PDS5A: variants seen among roughly 807,000 people sequenced by gnomAD.
PDS5A encodes PDS5 cohesin associated factor A, also known as sister chromatid cohesion protein PDS5 homolog A.
PDS5A carries 42 observed loss-of-function variants against 167.1 expected under a neutral mutation model. The ratio of observed to expected loss-of-function variants is 0.25; its 90% CI spans 0.20 to 0.33. The LOEUF is 0.33. Ranked by LOEUF, PDS5A falls within the 10% of genes least tolerant of loss-of-function variation. The pLI, the probability that PDS5A is intolerant of heterozygous loss-of-function variation, is 1.00. For missense variants in PDS5A, 1,033 were observed against 1,605.9 expected (o/e 0.64, Z 6.10); for synonymous variants, 553 against 554.6 (o/e 1.00, Z 0.04).
chr4:39,833,747 A>G (rs570852129), intron 32 of PDS5A, among the ~76,000 whole-genome samples: 2 of 152,222 alleles, frequency 1.3e-5, no homozygotes, highest in Admixed American at 1.3e-4. Flanking sequence ...CTCCACATCA[A>G]TTTACGGGGA....
intron 31 of PDS5A, among the ~76,000 whole-genome samples, chr4:39,841,446 A>G (rs949786987): frequency 6.6e-6 from 1 of 151,984 alleles, no homozygotes; most frequent in African/African-American, 2.4e-5. Flanking sequence ...CTCAATTCCT[A>G]TTCTTTAAAA....
chr4:39,974,025 CT>C (rs1357925102), intron 2 of PDS5A: 1 of 461,470 alleles, frequency 2.2e-6, no homozygotes, highest in African/African-American at 2.0e-5. Context: ...ACTCGGGAGG[CT>C]GAGGCAGGAG....
At chr4:39,941,554 G>A (rs1421377068) in intron 2 of PDS5A, among the ~76,000 whole-genome samples, 1 of 152,086 alleles carries the variant, frequency 6.6e-6, no homozygotes, top group Non-Finnish European at 1.5e-5. Context: ...TGCATTCAAG[G>A]TGAAAACTAC....
chr4:39,891,134 A>C (rs1165842933), intron 16 of PDS5A, among the ~76,000 whole-genome samples: 1 of 151,580 alleles, frequency 6.6e-6, no homozygotes, highest in Non-Finnish European at 1.5e-5. Flanking sequence ...CCCAGGTTCA[A>C]ACAACTCTCC....
At chr4:39,950,785 G>A (rs57910203) in intron 2 of PDS5A, among the ~76,000 whole-genome samples, 9 of 151,744 alleles carry the variant, frequency 5.9e-5, no homozygotes, top group South Asian at 4.2e-4. Context: ...ACAGGGTTTC[G>A]CCATGTTGGC....
At chr4:39,860,266 AC>A (rs1377619093) in intron 26 of PDS5A, among the ~76,000 whole-genome samples, 1 of 151,966 alleles carries the variant, frequency 6.6e-6, no homozygotes, top group African/African-American at 2.4e-5. Flanking sequence ...TAGTTGGGAG[AC>A]CAGCCTGGGC....
At chr4:39,924,042 A>G (rs985071174) in intron 5 of PDS5A, among the ~76,000 whole-genome samples, 1 of 152,184 alleles carries the variant, frequency 6.6e-6, no homozygotes, top group African/African-American at 2.4e-5. Context: ...AGCATAAAAT[A>G]TAAGGCCAAG....
At position 39,863,206 on chromosome 4, in the gene PDS5A, C is replaced by T. The variant is rs557912433; in HGVS notation, c.2766+130G>A. 161 of 916,768 alleles carry T rather than the reference C, an allele frequency of 1.8e-4. No homozygotes were observed. In the African/African-American group the frequency reaches 2.3e-3, roughly 13 times the overall value. 56.8% of individuals were successfully genotyped at this position (916,768 alleles called of 1,614,324 possible). On this transcript the variant is annotated intron_variant, in intron 24 of 32. Coordinates refer to ENST00000303538, the MANE Select transcript of PDS5A (RefSeq NM_001100399.2). The stretch of plus-strand genomic sequence containing the variant: ...AATAAATAATGTAATAATTGGAAGA[C>T]AGTTAAACAGGTAATAATAGTAGTG...
intron 29 of PDS5A, among the ~76,000 whole-genome samples, 188 bp from the exon 30 acceptor site, chr4:39,844,989 C>T (rs1191860687): frequency 1.3e-5 from 2 of 152,164 alleles, no homozygotes; most frequent in Admixed American, 6.5e-5. Context: ...AGGTGGATCA[C>T]TTGAGGCCAT....
intron 7 of PDS5A, among the ~76,000 whole-genome samples, chr4:39,919,874 GC>G (rs1724760852): frequency 6.6e-6 from 1 of 150,786 alleles, no homozygotes; most frequent in Non-Finnish European, 1.5e-5. Flanking sequence ...TTAAATCTTT[GC>G]CAAAAACAAC....
chr4:39,946,463 A>G (rs773185829), intron 2 of PDS5A, among the ~76,000 whole-genome samples: 5 of 152,148 alleles, frequency 3.3e-5, no homozygotes, highest in Admixed American at 2.6e-4. Flanking sequence ...ATTACCACCC[A>G]GAAGAACATG....
At position 39,841,942 on chromosome 4, in the gene PDS5A, A is replaced by G; in HGVS notation, c.3657+6T>C. On this transcript the variant is annotated splice_donor_region_variant and intron_variant, in intron 31 of 32. Coordinates refer to ENST00000303538, the MANE Select transcript of PDS5A (RefSeq NM_001100399.2). ...AAAAATCCACTTGTTAAATTTTAAA[A>G]TTTACCTTATTCTTTACTGGGTCAA... The G allele has an allele frequency of 6.8e-7, 1 of 1,474,222 alleles. No individual in the cohort carries two copies. The highest frequency in any genetic ancestry group is 9.5e-7 in the Non-Finnish European group (1 of 1,056,082). The allele number at this position is 1,474,222 out of a possible 1,614,324, so 91.3% of individuals were successfully genotyped here. A position where few individuals can be genotyped will look rare whatever the true frequency, so the allele number is the denominator to read the frequency against.
intron 5 of PDS5A, among the ~76,000 whole-genome samples, chr4:39,923,638 AACACACACACACAC>A (rs10664167): frequency 4.0e-5 from 5 of 125,212 alleles, no homozygotes; most frequent in Non-Finnish European, 7.2e-5. Flanking sequence ...CCTGTCTCAA[AACACACACACACAC>A]ACACACACAC....
Position 39,838,210 on chromosome 4 carries a change from T to A in PDS5A, c.3658-2A>T. ...GGTAGCCTGATCAGAATTAATTTCC[T>A]AAAAAAGCACAAAACAATTCTATAA... On this transcript the variant is annotated splice_acceptor_variant, in intron 31 of 32. Coordinates refer to ENST00000303538, the MANE Select transcript of PDS5A (RefSeq NM_001100399.2). LOFTEE classifies it high-confidence loss of function. 1 of 1,533,034 alleles carries A rather than the reference T, an allele frequency of 6.5e-7. No homozygotes were observed. The highest frequency in any genetic ancestry group is 8.8e-7 in the Non-Finnish European group (1 of 1,142,346). 95.0% of individuals were successfully genotyped at this position (1,533,034 alleles called of 1,614,324 possible). A position where few individuals can be genotyped will look rare whatever the true frequency, so the allele number is the denominator to read the frequency against.
At position 39,868,171 on chromosome 4, in the gene PDS5A, T is replaced by C. The variant is rs570126035; in HGVS notation, c.2506-1174A>G. 1.3e-3 allele frequency among the ~76,000 whole-genome samples: 195 copies of C among 152,278 alleles called. 1 individual carries two copies. The highest frequency in any genetic ancestry group is 4.4e-3 in the African/African-American group (182 of 41,562). On this transcript the variant is annotated intron_variant, in intron 22 of 32. Coordinates refer to ENST00000303538, the MANE Select transcript of PDS5A (RefSeq NM_001100399.2). Reference sequence around the variant, plus strand: ...TTACATCTATTAAATGTCACAAATTTAGTAACAATCATCTCTATCTGCTCT... The same window carrying C: ...TTACATCTATTAAATGTCACAAATTCAGTAACAATCATCTCTATCTGCTCT...
chr4:39,831,970 C>T (rs1464466502), intron 32 of PDS5A, among the ~76,000 whole-genome samples: 3 of 147,222 alleles, frequency 2.0e-5, no homozygotes, highest in Admixed American at 6.9e-5. Context: ...AAAAATTAGC[C>T]GGGTGTGGTG....
chr4:39,875,890 TACAG>T, intron 19 of PDS5A, among the ~76,000 whole-genome samples: 1 of 152,272 alleles, frequency 6.6e-6, no homozygotes, highest in Middle Eastern at 3.4e-3. Context: ...AATAAAATAA[TACAG>T]AAAGTCAACT....
intron 26 of PDS5A, among the ~76,000 whole-genome samples, chr4:39,855,728 G>C (rs907688930): frequency 6.6e-6 from 1 of 152,072 alleles, no homozygotes; most frequent in African/African-American, 2.4e-5. Flanking sequence ...TTCAATGGCC[G>C]ACTACAGCAG....
At chr4:39,963,253 C>T (rs528872776) in intron 2 of PDS5A, among the ~76,000 whole-genome samples, 8 of 151,746 alleles carry the variant, frequency 5.3e-5, no homozygotes, top group African/African-American at 1.5e-4. Flanking sequence ...GTCAAGAGTT[C>T]GAGACTAGCC....
Sources: allele counts gnomAD v4.1 joint callset (sites outside exome capture counted in the v4.1 genomes callset), GRCh38; gene constraint gnomAD v4.1.1; transcripts MANE v1.5; gene names NCBI Gene and HGNC (gene_info 2026-07-23, HGNC 2026-07-21).